The following MYOCD variants were observed in gnomAD, a reference collection of about 807,000 sequenced individuals.
The protein encoded by MYOCD is myocardin.
MYOCD carries 32 observed loss-of-function variants against 96.1 expected under a neutral mutation model. That is an observed-to-expected ratio of 0.33 (90% CI 0.25 to 0.45). The LOEUF (loss-of-function observed/expected upper bound fraction) is 0.45. MYOCD is among the 20% of genes least tolerant of loss of function. MYOCD has a pLI of 1.00. For synonymous variants in MYOCD, 469 were observed against 469.0 expected (o/e 1.00, Z 0.00); for missense variants, 1,133 against 1,200.6 (o/e 0.94, Z 0.83).
chr17:12,764,846 G>C lies in MYOCD; in HGVS notation c.*1202G>C, dbSNP rs1418485288. The stretch of plus-strand genomic sequence containing the variant: ...AAATTTAACAATCCAGGTTCTTCTG[G>C]AGAACTCATTCTCCACACGCACAGT... On this transcript the variant is annotated 3_prime_UTR_variant, in exon 14 of 14. Transcript: ENST00000425538. The C allele has an allele frequency of 6.6e-6, 1 of 152,092 alleles. No individual in the cohort carries two copies. Among genetic ancestry groups the C allele is most frequent in the Non-Finnish European group, 1.5e-5 (1 of 68,020 alleles). The allele number at this position is 152,092 out of a possible 1,614,324, so 9.4% of individuals were successfully genotyped here.
chr17:12,702,776 A>G (rs1247074103), intron 1 of MYOCD, among the ~76,000 whole-genome samples: 1 of 151,972 alleles, frequency 6.6e-6, no homozygotes, highest in Non-Finnish European at 1.5e-5. Flanking sequence ...TTATACCACT[A>G]CATGTGAAGT....
chr17:12,749,279 AGCGTTTGGGAGGCCAAGGTGGGCGGATC>A (rs1176935576), intron 9 of MYOCD, among the ~76,000 whole-genome samples: 1 of 152,036 alleles, frequency 6.6e-6, no homozygotes, highest in Non-Finnish European at 1.5e-5. Flanking sequence ...CTGTAATCCT[AGCGTTTGGGAGGCCAAGGTGGGCGGATC>A]GCTTGAGGTC....
At chr17:12,755,126 TA>T (rs1036474048) in intron 10 of MYOCD, among the ~76,000 whole-genome samples, 2 of 152,198 alleles carry the variant, frequency 1.3e-5, no homozygotes, top group African/African-American at 4.8e-5. Flanking sequence ...AATTAGGACC[TA>T]AAAAACTTAT....
At chr17:12,726,001 A>C (rs1370674131) in intron 5 of MYOCD, among the ~76,000 whole-genome samples, 1 of 152,176 alleles carries the variant, frequency 6.6e-6, no homozygotes, top group Non-Finnish European at 1.5e-5. Context: ...GGGGAAAACA[A>C]TCTGTCATAA....
At chr17:12,713,487 A>G (rs905473391) in intron 2 of MYOCD, among the ~76,000 whole-genome samples, 1 of 152,206 alleles carries the variant, frequency 6.6e-6, no homozygotes, top group Non-Finnish European at 1.5e-5. Flanking sequence ...GGGAGTTTCT[A>G]GAGGAAAAGG....
chr17:12,724,727 G>A (rs893865259), intron 5 of MYOCD, among the ~76,000 whole-genome samples: 1 of 151,860 alleles, frequency 6.6e-6, no homozygotes, highest in South Asian at 2.1e-4. Flanking sequence ...CTATTTAAGT[G>A]GTTGGTTTAA....
chr17:12,736,992 C>G (rs532890168), intron 6 of MYOCD, among the ~76,000 whole-genome samples: 2 of 152,226 alleles, frequency 1.3e-5, no homozygotes, highest in African/African-American at 2.4e-5. Flanking sequence ...CGGTGGCTCA[C>G]GCCTGCAATC....
intron 1 of MYOCD, among the ~76,000 whole-genome samples, chr17:12,674,057 T>C (rs1909870629): frequency 6.6e-6 from 1 of 152,228 alleles, no homozygotes; most frequent in South Asian, 2.1e-4. Flanking sequence ...TAGGAGTTAC[T>C]GAACCTATTA....
chr17:12,762,447 C>T (rs12939494), intron 13 of MYOCD: 2,557 of 152,532 alleles, frequency 0.017, 38 homozygotes, highest in Non-Finnish European at 0.025. Context: ...TTGGAGATGA[C>T]ACAATCCAAG....
rs776773186 is a variant in MYOCD, at chr17:12,722,903, C to T, written c.310C>T (p.Leu104Phe). ...TAQMKLKRAR[L>F]ADDLNEKIAL... Reference sequence around the variant, plus strand: ...TCAGATGAAGCTGAAAAGAGCCCGACTCGCCGATGATCTCAATGAAAAAAT... The same window carrying T: ...TCAGATGAAGCTGAAAAGAGCCCGATTCGCCGATGATCTCAATGAAAAAAT... Residue 104 changes from leucine (L) to phenylalanine (F), a missense_variant, in exon 5 of 14, where the codon CTC becomes TTC. By Grantham distance (22) the Leu-to-Phe change is conservative. Coordinates refer to ENST00000425538, the MANE Select transcript of MYOCD (RefSeq NM_001146312.3). 6.2e-7 allele frequency: 1 copy of T among 1,614,022 alleles called. No individual in the cohort carries two copies. The highest frequency in any genetic ancestry group is 2.2e-5 in the East Asian group (1 of 44,874).
At chr17:12,749,966 C>G (rs2150717027) in intron 9 of MYOCD, among the ~76,000 whole-genome samples, 1 of 152,156 alleles carries the variant, frequency 6.6e-6, no homozygotes, top group South Asian at 2.1e-4. Context: ...TCTCCTGCCT[C>G]AGCCTCCCGA....
At chr17:12,701,866 G>A (rs967798058) in intron 1 of MYOCD, among the ~76,000 whole-genome samples, 3 of 152,028 alleles carry the variant, frequency 2.0e-5, no homozygotes, top group Non-Finnish European at 4.4e-5. Context: ...TTTGTTAATA[G>A]TATATTGCTT....
intron 1 of MYOCD, among the ~76,000 whole-genome samples, chr17:12,688,991 A>G (rs948128697): frequency 6.6e-6 from 1 of 152,234 alleles, no homozygotes; most frequent in African/African-American, 2.4e-5. Flanking sequence ...ATTCACACCC[A>G]TGTGCACACA....
intron 1 of MYOCD, among the ~76,000 whole-genome samples, chr17:12,674,903 G>C (rs1909925034): frequency 6.6e-6 from 1 of 152,132 alleles, no homozygotes; most frequent in Admixed American, 6.5e-5. Flanking sequence ...CCAAGCTTAT[G>C]GCCATGGCCA....
intron 7 of MYOCD, among the ~76,000 whole-genome samples, chr17:12,743,981 C>T (rs1266100623): frequency 6.6e-6 from 1 of 152,194 alleles, no homozygotes; most frequent in African/African-American, 2.4e-5. Context: ...GAGTGTCCTT[C>T]CAGTGTGATA....
chr17:12,708,432 C>T (rs1045364877), intron 2 of MYOCD, among the ~76,000 whole-genome samples: 1 of 151,066 alleles, frequency 6.6e-6, no homozygotes, highest in Non-Finnish European at 1.5e-5. Flanking sequence ...CTCACTGTGT[C>T]GCCCAGGCTG....
chr17:12,744,545 T>C lies in MYOCD; in HGVS notation c.971+109T>C. On this transcript the variant is annotated intron_variant, in intron 8 of 13. Transcript: ENST00000425538. ...GCCTAGCAAGTCCTGTATTGCACCA[T>C]TTCCTCATCCAGTATGTTTGGAAGG... is the stretch of plus-strand genomic sequence containing the variant. The C allele has an allele frequency of 2.2e-6, 3 of 1,387,892 alleles. No homozygotes were observed. The South Asian group carries it at 4.4e-5, about 20-fold the overall frequency. The allele number at this position is 1,387,892 out of a possible 1,614,324, so 86.0% of individuals were successfully genotyped here.
At chr17:12,759,804 T>C (rs2033119696) in intron 12 of MYOCD, among the ~76,000 whole-genome samples, 2 of 152,174 alleles carry the variant, frequency 1.3e-5, no homozygotes, top group African/African-American at 2.4e-5. Flanking sequence ...AAGCAAGAGG[T>C]AGATTCAGGT....
intron 7 of MYOCD, among the ~76,000 whole-genome samples, chr17:12,743,637 C>T (rs555617714): frequency 8.5e-4 from 129 of 151,802 alleles, no homozygotes; most frequent in African/African-American, 2.8e-3. Flanking sequence ...GGATTACAGG[C>T]GCCTGACACC....
Sources: gnomAD v4.1 joint callset for allele counts (sites outside exome capture counted in the v4.1 genomes callset) on GRCh38, gnomAD v4.1.1 for gene constraint, MANE v1.5 for transcripts, NCBI Gene and HGNC (gene_info 2026-07-23, HGNC 2026-07-21) for gene names.